Variants in SPATA21 observed in about 807,000 individuals in gnomAD.
SPATA21 encodes the protein spermatogenesis-associated protein 21.
In SPATA21, 47 loss-of-function variants were observed where a neutral mutation model predicts 54.8. That is an observed-to-expected ratio of 0.86 (90% CI 0.68 to 1.09). The LOEUF (loss-of-function observed/expected upper bound fraction) is 1.09. Among genes scored for constraint, SPATA21 ranks in the 50% least tolerant of loss-of-function variants. The probability of loss-of-function intolerance (pLI) is 0.00; values close to 1 mark genes in which losing one functional copy is unlikely to be tolerated. For missense variants in SPATA21, 599 were observed against 596.4 expected (o/e 1.00, Z -0.05); for synonymous variants, 245 against 235.3 (o/e 1.04, Z -0.38).
chr1:16,396,644 C>A (rs16852669), downstream of SPATA21: 12,790 of 152,758 alleles, frequency 0.084, 706 homozygotes, highest in Non-Finnish European at 0.12. Context: ...TCCTGACCAG[C>A]AGATACGTTT....
In SPATA21 at chr1:16,431,439, A is replaced by G. The variant is rs574791820; in HGVS notation, c.-51-17T>C. 18 of 1,600,438 alleles carry G rather than the reference A, an allele frequency of 1.1e-5. No homozygotes were observed. Among genetic ancestry groups the G allele is most frequent in the African/African-American group, 8.0e-5 (6 of 74,806 alleles). On this transcript the variant is annotated splice_polypyrimidine_tract_variant and intron_variant, in intron 2 of 12. Transcript: ENST00000335496. ...AGTGTGCTCCTACAGGAGAAATCCA[A>G]TCAAGCGTCCCACCAAGCCCATCAC...
intron 5 of SPATA21, among the ~76,000 whole-genome samples, chr1:16,417,283 G>A (rs887752130): frequency 6.6e-5 from 10 of 151,732 alleles, no homozygotes; most frequent in South Asian, 2.1e-4. Context: ...CTTTTGAGAC[G>A]GAGTTTCACT....
At position 16,404,035 on chromosome 1, in the gene SPATA21, A is replaced by G. The variant is rs368115886; in HGVS notation, c.816T>C (p.Asp272=). The G allele has an allele frequency of 4.5e-6, 7 of 1,554,238 alleles. No individual in the cohort carries two copies. The highest frequency in any genetic ancestry group is 5.2e-6 in the Non-Finnish European group (6 of 1,148,298). ...DALMSADVNG[D]GRVDFKDFLA... ...AGAAGTCTTTGAAGTCCACACGACC[A>G]TCTCCTGTGGAGGCCAGAGGAGTAG... The change falls in exon 9 of 13, where the codon GAT becomes GAC. Residue 272 remains aspartate (D), a synonymous_variant. Coordinates refer to ENST00000335496, the MANE Select transcript of SPATA21 (RefSeq NM_198546.1).
In SPATA21 at chr1:16,421,936, G is replaced by A. The variant is rs1343712054; in HGVS notation, c.70C>T (p.Pro24Ser). The A allele has an allele frequency of 6.2e-7, 1 of 1,614,172 alleles. No homozygotes were observed. The highest frequency in any genetic ancestry group is 1.3e-5 in the African/African-American group (1 of 75,038). Residue 24 changes from proline to serine, a missense_variant, in exon 4 of 13, where the codon CCT becomes TCT. Pro to Ser is a moderately conservative substitution (Grantham distance 74). Transcript: ENST00000335496. This position sits in a 1 kb window ranked among gnomAD's most constrained non-coding sequence, Gnocchi z 5.2. The part of the protein sequence containing the change: ...KTVNPFLPST[P>S]GPKKAKGGGE... ...CCTCCTTTTGCTTTTTTAGGTCCAG[G>A]CGTGGATGGCAGGAAGGGGTTGACT...
Position 16,421,624 on chromosome 1 carries a change from C to T in SPATA21, c.96-67G>A, listed in dbSNP as rs2086175019. 6.7e-7 allele frequency: 1 copy of T among 1,500,804 alleles called. No homozygotes were observed. Among genetic ancestry groups the T allele is most frequent in the African/African-American group, 1.4e-5 (1 of 72,508 alleles). 93.0% of individuals were successfully genotyped at this position (1,500,804 alleles called of 1,614,324 possible). A position where few individuals can be genotyped will look rare whatever the true frequency, so the allele number is the denominator to read the frequency against. On this transcript the variant is annotated intron_variant, in intron 4 of 12. Transcript: ENST00000335496. The surrounding 1 kb of genome is among the most constrained non-coding windows in gnomAD (Gnocchi z 5.2). ...TGAAGGTTTGCCCCCCTGCCCTCCC[C>T]TCTCAGCCCCCAGGACACTCAGTTC...
In SPATA21 at chr1:16,409,791, A is replaced by C; in HGVS notation, c.397T>G (p.Ser133Ala). The C allele has an allele frequency of 1.2e-6, 2 of 1,602,108 alleles. No individual in the cohort carries two copies. Among genetic ancestry groups the C allele is most frequent in the Non-Finnish European group, 1.7e-6 (2 of 1,174,470 alleles). ...CACGATGGGCCGCTGGCAGGGACCG[A>C]GGCAGGGGTCTGAGGCAGGCTTGGA... ...SAPSLPQTPA[S>A]VPASGPSWAR... The change falls in exon 6 of 13, where the codon TCG (serine) becomes GCG (alanine). Residue 133 changes from serine to alanine, a missense_variant. Ser to Ala is a moderately conservative substitution (Grantham distance 99, BLOSUM62 1). Coordinates refer to ENST00000335496, the MANE Select transcript of SPATA21 (RefSeq NM_198546.1). The surrounding 1 kb of genome is among the most constrained non-coding windows in gnomAD (Gnocchi z 4.1).
At chr1:16,411,793 A>C (rs966000388) in intron 5 of SPATA21, among the ~76,000 whole-genome samples, 45 of 114,576 alleles carry the variant, frequency 3.9e-4, no homozygotes, top group African/African-American at 1.4e-3. Flanking sequence ...CTGTCTCAAA[A>C]AAAAAAAAAA....
At chr1:16,432,096 TTTCTTC>T (rs1291767864) in intron 2 of SPATA21, among the ~76,000 whole-genome samples, 11 of 148,210 alleles carry the variant, frequency 7.4e-5, no homozygotes, top group East Asian at 4.2e-4. Flanking sequence ...TTCTTTTTCT[TTTCTTC>T]TTCTTCTTCT....
chr1:16,437,078 C>T (rs1380763989), intron 1 of SPATA21, 50 bp downstream of exon 1: 5 of 152,056 alleles, frequency 3.3e-5, no homozygotes, highest in Admixed American at 6.6e-5. Context: ...GTCTGGAGGC[C>T]GTCAGGGAAA....
intron 8 of SPATA21, 71 bp from the exon 9 acceptor site, chr1:16,404,110 G>T: frequency 7.7e-7 from 1 of 1,293,810 alleles, no homozygotes. Context: ...CCCAGGCGTG[G>T]TTATTAGAAG....
chr1:16,407,809 A>G (rs2085694584), intron 7 of SPATA21, among the ~76,000 whole-genome samples: 1 of 152,138 alleles, frequency 6.6e-6, no homozygotes, highest in Non-Finnish European at 1.5e-5. Context: ...TCTGTCGCCC[A>G]GGCTGGAGTG....
At chr1:16,403,348 G>C (rs2085512620) in intron 10 of SPATA21, among the ~76,000 whole-genome samples, 1 of 152,166 alleles carries the variant, frequency 6.6e-6, no homozygotes, top group African/African-American at 2.4e-5. Context: ...AGTGCGCACA[G>C]ACATGGATAG....
chr1:16,399,405 G>T lies in SPATA21; in HGVS notation c.1291C>A (p.Pro431Thr), dbSNP rs747843416. 2.5e-6 allele frequency: 4 copies of T among 1,613,914 alleles called. No homozygotes were observed. The highest frequency in any genetic ancestry group is 2.2e-5 in the South Asian group (2 of 91,080). The part of the protein sequence containing the change: ...SNHYALDQCT[P>T]PGLDPDIRSP... ...CGGATGTCAGGATCCAGGCCAGGGG[G>T]TGTGCACTGGTCTAGTGCATAGTGG... is the stretch of plus-strand genomic sequence containing the variant. Residue 431 changes from proline to threonine, a missense_variant, in exon 12 of 13, where the codon CCC becomes ACC. Pro to Thr is a conservative substitution (Grantham distance 38). Coordinates refer to ENST00000335496, the MANE Select transcript of SPATA21 (RefSeq NM_198546.1).
intron 5 of SPATA21, among the ~76,000 whole-genome samples, chr1:16,412,331 C>T (rs1364933494): frequency 6.6e-6 from 1 of 152,202 alleles, no homozygotes; most frequent in Non-Finnish European, 1.5e-5. Context: ...ACCCCAGGTT[C>T]CTCTCATCTG....
chr1:16,410,086 G>C, intron 5 of SPATA21, 43 bp from the exon 6 acceptor site: 4 of 1,456,886 alleles, frequency 2.7e-6, no homozygotes, highest in Non-Finnish European at 3.7e-6. Context: ...TAGTGGGCCA[G>C]AGTGTCCCAC....
chr1:16,400,611 C>T (rs936497494), intron 11 of SPATA21, 109 bp downstream of exon 11: 3 of 1,500,342 alleles, frequency 2.0e-6, no homozygotes, highest in African/African-American at 1.4e-5. Flanking sequence ...GGAAACTGGC[C>T]TCTCAGCTCC....
intron 7 of SPATA21, among the ~76,000 whole-genome samples, chr1:16,408,913 C>CG (rs1030161225): frequency 1.3e-5 from 2 of 151,690 alleles, no homozygotes; most frequent in African/African-American, 4.8e-5. Context: ...TTCTGGCCCC[C>CG]CCAACCCAGC....
At position 16,421,491 on chromosome 1, in the gene SPATA21, C is replaced by A; in HGVS notation, c.144+18G>T. The stretch of plus-strand genomic sequence containing the variant: ...CTCCTACACAGCTCGTCCCCGTTCC[C>A]CCTATGGCCCTACTTACTGGTGGAG... On this transcript the variant is annotated intron_variant, in intron 5 of 12. Transcript: ENST00000335496. The surrounding 1 kb of genome is among the most constrained non-coding windows in gnomAD (Gnocchi z 5.2). 6.2e-7 allele frequency: 1 copy of A among 1,612,074 alleles called. No individual in the cohort carries two copies. The highest frequency in any genetic ancestry group is 8.5e-7 in the Non-Finnish European group (1 of 1,179,014).
chr1:16,405,646 G>A (rs2085614723), intron 7 of SPATA21, among the ~76,000 whole-genome samples: 1 of 152,106 alleles, frequency 6.6e-6, no homozygotes, highest in Admixed American at 6.6e-5. Flanking sequence ...GATCAACAGA[G>A]TAAGACCCTC....
Sources: allele counts gnomAD v4.1 joint callset (sites outside exome capture counted in the v4.1 genomes callset), GRCh38; gene constraint gnomAD v4.1.1; non-coding constraint Gnocchi (gnomAD v3.1); transcripts MANE v1.5; gene names NCBI Gene and HGNC (gene_info 2026-07-23, HGNC 2026-07-21).